The following FOXP2 variants were observed in gnomAD, a reference collection of about 807,000 sequenced individuals.
FOXP2 encodes the protein forkhead box P2.
FOXP2 carries 12 observed loss-of-function variants against 115.8 expected under a neutral mutation model. That is an observed-to-expected ratio of 0.10 (90% CI 0.07 to 0.17). The LOEUF is 0.17. Among genes scored for constraint, FOXP2 ranks in the 10% least tolerant of loss-of-function variants. FOXP2 has a pLI of 1.00. For synonymous variants in FOXP2, 328 were observed against 297.7 expected (o/e 1.10, Z -1.05); for missense variants, 629 against 843.5 (o/e 0.75, Z 3.15).
Position 114,345,979 on chromosome 7 carries a change from T to C in FOXP2, c.-11+57870T>C, listed in dbSNP as rs377494427. Among the ~76,000 whole-genome samples, 8 of 151,948 alleles carry C rather than the reference T, an allele frequency of 5.3e-5. No individual in the cohort carries two copies. The South Asian group carries it at 1.0e-3, about 20-fold the overall frequency. On this transcript the variant is annotated intron_variant, in intron 2 of 17. Transcript: ENST00000634411. ...TTTTTAATATTTGGCTGCATAGTTA[T>C]AGTTTTTATAGTTTTCACAAACAGC...
intron 16 of FOXP2, among the ~76,000 whole-genome samples, chr7:114,674,595 A>G (rs1418872681): frequency 6.6e-6 from 1 of 152,152 alleles, no homozygotes; most frequent in Admixed American, 6.5e-5. Context: ...CCAAAGAGAA[A>G]ATCTTGAAAG....
intron 3 of FOXP2, among the ~76,000 whole-genome samples, chr7:114,612,979 G>A (rs1316066747): frequency 6.6e-6 from 1 of 152,146 alleles, no homozygotes; most frequent in African/African-American, 2.4e-5. Context: ...TCAAAGTTAA[G>A]TTACTTTTGT....
At chr7:114,656,877 A>G (rs1317053011) in intron 10 of FOXP2, among the ~76,000 whole-genome samples, 1 of 152,160 alleles carries the variant, frequency 6.6e-6, no homozygotes, top group African/African-American at 2.4e-5. Flanking sequence ...TTTTCTCCCC[A>G]TTAAAAAAAG....
At chr7:114,180,253 G>A (rs1793422600) in intron 1 of FOXP2, among the ~76,000 whole-genome samples, 1 of 151,968 alleles carries the variant, frequency 6.6e-6, no homozygotes, top group African/African-American at 2.4e-5. Flanking sequence ...TAACAGTGGT[G>A]ACTGCTTCCT....
intron 11 of FOXP2, 36 bp downstream of exon 11, chr7:114,658,303 T>C: frequency 6.2e-7 from 1 of 1,603,806 alleles, no homozygotes; most frequent in South Asian, 1.1e-5. Context: ...ACTTTTACTT[T>C]GGGAGAGGAA....
intron 3 of FOXP2, among the ~76,000 whole-genome samples, chr7:114,612,243 C>T (rs528128818): frequency 1.4e-4 from 21 of 151,994 alleles, no homozygotes; most frequent in African/African-American, 4.8e-4. Context: ...GGAAGCAGCT[C>T]CTATATTACG....
chr7:114,271,996 T>C (rs1796070459), intron 1 of FOXP2, among the ~76,000 whole-genome samples: 1 of 135,760 alleles, frequency 7.4e-6, no homozygotes, highest in Admixed American at 8.1e-5. Context: ...TAATATATAA[T>C]ATGTAATATT....
chr7:114,492,701 T>G (rs1562958317), intron 2 of FOXP2, among the ~76,000 whole-genome samples: 1 of 152,190 alleles, frequency 6.6e-6, no homozygotes, highest in Non-Finnish European at 1.5e-5. Context: ...GGTTGTTCAG[T>G]TTCCATGCAG....
At chr7:114,499,947 G>C (rs1316975077) in intron 2 of FOXP2, among the ~76,000 whole-genome samples, 1 of 152,136 alleles carries the variant, frequency 6.6e-6, no homozygotes. Context: ...AGGGCACGGT[G>C]GCTCACGCCT....
chr7:114,612,459 A>G lies in FOXP2; in HGVS notation c.259-16081A>G, dbSNP rs796341003. 7.9e-5 allele frequency among the ~76,000 whole-genome samples: 12 copies of G among 152,008 alleles called. 1 individual carries two copies. Among genetic ancestry groups the G allele is most frequent in the African/African-American group, 2.7e-4 (11 of 41,378 alleles). On this transcript the variant is annotated intron_variant, in intron 3 of 16. Transcript: ENST00000350908. Reference sequence around the variant, plus strand: ...CACACATATATATATAGTCCTCCCTAAGGGAATGAATAAATGAATAAATGA... The same window carrying G: ...CACACATATATATATAGTCCTCCCTGAGGGAATGAATAAATGAATAAATGA...
intron 1 of FOXP2, among the ~76,000 whole-genome samples, chr7:114,259,477 T>C (rs1795694775): frequency 1.3e-5 from 2 of 152,190 alleles, no homozygotes; most frequent in Non-Finnish European, 2.9e-5. Context: ...ATAATAGTAA[T>C]CAGAGAAAGA....
intron 1 of FOXP2, among the ~76,000 whole-genome samples, chr7:114,177,931 T>G (rs1428967569): frequency 6.6e-6 from 1 of 151,990 alleles, no homozygotes; most frequent in Non-Finnish European, 1.5e-5. Flanking sequence ...AAATTATATG[T>G]CTTTTAACCA....
intron 1 of FOXP2, among the ~76,000 whole-genome samples, chr7:114,118,109 T>C (rs990488451): frequency 1.3e-4 from 20 of 152,144 alleles, no homozygotes; most frequent in African/African-American, 4.8e-4. Context: ...CTTTCCACCA[T>C]AGCTGTACAT....
intron 1 of FOXP2, among the ~76,000 whole-genome samples, chr7:114,245,005 G>T (rs1046403099): frequency 2.0e-5 from 3 of 152,074 alleles, no homozygotes; most frequent in African/African-American, 4.8e-5. Flanking sequence ...CTCGTGATCC[G>T]CCCGCCTCGG....
chr7:114,199,186 A>C (rs1793993021), intron 1 of FOXP2, among the ~76,000 whole-genome samples: 1 of 152,052 alleles, frequency 6.6e-6, no homozygotes, highest in Non-Finnish European at 1.5e-5. Context: ...CTGGCCCTCA[A>C]ATATTAATTT....
chr7:114,380,139 C>A (rs1026004875), intron 2 of FOXP2, among the ~76,000 whole-genome samples: 1 of 152,126 alleles, frequency 6.6e-6, no homozygotes, highest in Non-Finnish European at 1.5e-5. Context: ...TTTCTGATGA[C>A]CCCGGCAGTG....
At chr7:114,322,262 G>A (rs1175255009) in intron 2 of FOXP2, among the ~76,000 whole-genome samples, 1 of 151,792 alleles carries the variant, frequency 6.6e-6, no homozygotes, top group East Asian at 2.0e-4. Flanking sequence ...GACTCAAGCA[G>A]TCCTCCTGCC....
chr7:114,402,105 G>A (rs919888491), intron 2 of FOXP2, among the ~76,000 whole-genome samples: 3 of 152,194 alleles, frequency 2.0e-5, no homozygotes, highest in African/African-American at 7.2e-5. Flanking sequence ...CTATGCAACA[G>A]AGCAAGACTC....
At chr7:114,635,841 A>G (rs1399119348) in intron 6 of FOXP2, among the ~76,000 whole-genome samples, 1 of 152,194 alleles carries the variant, frequency 6.6e-6, no homozygotes, top group Non-Finnish European at 1.5e-5. Flanking sequence ...AAAAGGAAAC[A>G]TCATTGGTTT....
Sources: gnomAD v4.1 joint callset for allele counts (sites outside exome capture counted in the v4.1 genomes callset) on GRCh38, gnomAD v4.1.1 for gene constraint, MANE v1.5 for transcripts, NCBI Gene and HGNC (gene_info 2026-07-23, HGNC 2026-07-21) for gene names.